Variants in PCGF5 observed in about 807,000 individuals in gnomAD.
The protein encoded by PCGF5 is polycomb group RING finger protein 5.
In PCGF5, 9 loss-of-function variants were observed where a neutral mutation model predicts 44.3. The ratio of observed to expected loss-of-function variants is 0.20; its 90% CI spans 0.12 to 0.35. PCGF5 has a LOEUF of 0.35. PCGF5 is among the 10% of genes least tolerant of loss of function. The pLI, the probability that PCGF5 is intolerant of heterozygous loss-of-function variation, is 1.00. For missense variants in PCGF5, 146 were observed against 305.3 expected (o/e 0.48, Z 3.89); for synonymous variants, 95 against 102.5 (o/e 0.93, Z 0.44).
At chr10:91,159,447 C>G (rs1843353646), upstream of PCGF5, among the ~76,000 whole-genome samples, 1 of 152,036 alleles carries the variant, frequency 6.6e-6, no homozygotes, top group Non-Finnish European at 1.5e-5. Flanking sequence ...GGGATGACTG[C>G]CCTCATAAAA....
At chr10:91,259,844 C>T (rs1190761661) in intron 6 of PCGF5, among the ~76,000 whole-genome samples, 1 of 152,116 alleles carries the variant, frequency 6.6e-6, no homozygotes, top group Non-Finnish European at 1.5e-5. Context: ...ACATGTTAGA[C>T]CTAAAACCAT....
chr10:91,227,794 T>C, intron 2 of PCGF5: 5 of 990,380 alleles, frequency 5.0e-6, no homozygotes, highest in Non-Finnish European at 6.0e-6. Flanking sequence ...ATACAAATAC[T>C]TGGTTCAACT....
At chr10:91,260,727 G>C (rs888065520) in intron 6 of PCGF5, among the ~76,000 whole-genome samples, 4 of 147,968 alleles carry the variant, frequency 2.7e-5, no homozygotes, top group Non-Finnish European at 5.9e-5. Context: ...ACCAAACACC[G>C]CATGTTCTCA....
At chr10:91,225,195 T>C (rs1194313878) in intron 2 of PCGF5, among the ~76,000 whole-genome samples, 1 of 148,010 alleles carries the variant, frequency 6.8e-6, no homozygotes, top group Non-Finnish European at 1.5e-5. Flanking sequence ...AAGGGATATA[T>C]ATATTTTTAT....
chr10:91,190,922 C>T (rs1463208836), intron 1 of PCGF5, among the ~76,000 whole-genome samples: 2 of 152,150 alleles, frequency 1.3e-5, no homozygotes, highest in Non-Finnish European at 2.9e-5. Flanking sequence ...TTATTCTTCC[C>T]TTAAAATATG....
intron 1 of PCGF5, among the ~76,000 whole-genome samples, chr10:91,201,547 T>C: frequency 6.6e-6 from 1 of 152,194 alleles, no homozygotes; most frequent in Non-Finnish European, 1.5e-5. Flanking sequence ...AACAGAGTTA[T>C]GTGTTTGAAG....
intron 1 of PCGF5, among the ~76,000 whole-genome samples, chr10:91,201,535 T>G (rs1010773460): frequency 2.0e-5 from 3 of 152,100 alleles, no homozygotes; most frequent in African/African-American, 7.2e-5. Flanking sequence ...AAAAAATACG[T>G]AAACAGAGTT....
chr10:91,276,831 G>A (rs1460893122), intron 9 of PCGF5, among the ~76,000 whole-genome samples: 1 of 152,194 alleles, frequency 6.6e-6, no homozygotes, highest in Non-Finnish European at 1.5e-5. Context: ...GTATAGTGAA[G>A]GGCAAGCTGT....
intron 3 of PCGF5, among the ~76,000 whole-genome samples, chr10:91,246,906 G>A (rs1319522597): frequency 1.3e-5 from 2 of 151,820 alleles, no homozygotes; most frequent in Non-Finnish European, 2.9e-5. Context: ...TTGGAAATAT[G>A]GAACTTGAAA....
intron 1 of PCGF5, among the ~76,000 whole-genome samples, chr10:91,214,700 C>A (rs1439392175): frequency 4.6e-5 from 7 of 152,044 alleles, no homozygotes; most frequent in Non-Finnish European, 8.8e-5. Flanking sequence ...GATGAACGGC[C>A]AAAAGGCTAA....
chr10:91,226,125 T>A (rs1307600114), intron 2 of PCGF5, among the ~76,000 whole-genome samples: 2 of 152,134 alleles, frequency 1.3e-5, no homozygotes, highest in East Asian at 3.9e-4. Context: ...GAGTAAACGC[T>A]AGGTTTTATG....
intron 1 of PCGF5, among the ~76,000 whole-genome samples, chr10:91,205,704 C>T (rs942177299): frequency 1.3e-5 from 2 of 152,140 alleles, no homozygotes; most frequent in Non-Finnish European, 2.9e-5. Context: ...TGAGGCTGGG[C>T]GTGGTGGCTC....
chr10:91,283,268 G>C lies in PCGF5; in HGVS notation c.*4952G>C, dbSNP rs1000821779. 2 of 152,138 alleles carry C rather than the reference G, an allele frequency of 1.3e-5. No homozygotes were observed. Among genetic ancestry groups the C allele is most frequent in the African/African-American group, 2.4e-5 (1 of 41,428 alleles). 9.4% of individuals were successfully genotyped at this position (152,138 alleles called of 1,614,324 possible). A position where few individuals can be genotyped will look rare whatever the true frequency, so the allele number is the denominator to read the frequency against. On this transcript the variant is annotated 3_prime_UTR_variant, in exon 10 of 10. Coordinates refer to ENST00000336126, the MANE Select transcript of PCGF5 (RefSeq NM_032373.5). The stretch of plus-strand genomic sequence containing the variant: ...ATGCTCGAGCACTTCCTTTCAGAAA[G>C]TTATAAAATTAAAAATAATTATTTT...
At chr10:91,197,165 GA>G (rs1844148949) in intron 1 of PCGF5, among the ~76,000 whole-genome samples, 1 of 152,206 alleles carries the variant, frequency 6.6e-6, no homozygotes, top group Admixed American at 6.5e-5. Context: ...CAGTTTCTGT[GA>G]GTCAGGAATT....
intron 1 of PCGF5, among the ~76,000 whole-genome samples, chr10:91,169,275 G>T (rs1010280317): frequency 6.6e-6 from 1 of 152,180 alleles, no homozygotes; most frequent in Non-Finnish European, 1.5e-5. Context: ...GAAGTTACTT[G>T]TGGGAAAATA....
At chr10:91,257,098 C>G (rs1366002237) in intron 6 of PCGF5, among the ~76,000 whole-genome samples, 2 of 151,972 alleles carry the variant, frequency 1.3e-5, no homozygotes, top group Admixed American at 6.6e-5. Flanking sequence ...ATGAAGAACT[C>G]TTATAAATCA....
chr10:91,189,601 A>G (rs1843995006), intron 1 of PCGF5, among the ~76,000 whole-genome samples: 2 of 152,248 alleles, frequency 1.3e-5, no homozygotes, highest in South Asian at 2.1e-4. Context: ...ATCTTTCCAT[A>G]TATACATACA....
At chr10:91,262,422 C>T (rs1048078326) in intron 7 of PCGF5, among the ~76,000 whole-genome samples, 2 of 151,850 alleles carry the variant, frequency 1.3e-5, no homozygotes, top group Non-Finnish European at 2.9e-5. Flanking sequence ...AGTGAGACTC[C>T]ATCTCAAAAA....
intron 1 of PCGF5, among the ~76,000 whole-genome samples, chr10:91,188,943 A>G (rs899463941): frequency 6.6e-6 from 1 of 152,200 alleles, no homozygotes; most frequent in Non-Finnish European, 1.5e-5. Flanking sequence ...GTGGTTTGGG[A>G]GAAAGGGAGA....
Sources: allele counts gnomAD v4.1 joint callset (sites outside exome capture counted in the v4.1 genomes callset), GRCh38; gene constraint gnomAD v4.1.1; transcripts MANE v1.5; gene names NCBI Gene and HGNC (gene_info 2026-07-23, HGNC 2026-07-21).